The following HS2ST1 variants were observed in gnomAD, a reference collection of about 807,000 sequenced individuals.
HS2ST1 encodes the protein heparan sulfate 2-O-sulfotransferase 1, also known as 2-O-sulfotransferase.
HS2ST1 carries 18 observed loss-of-function variants against 42.9 expected under a neutral mutation model. The observed-to-expected ratio is 0.42, with a 90% CI of 0.29 to 0.62. The LOEUF is 0.62. Ranked by LOEUF, HS2ST1 falls within the 20% of genes least tolerant of loss-of-function variation. The pLI is 0.21. For synonymous variants in HS2ST1, 146 were observed against 152.9 expected, an observed-to-expected ratio of 0.95 and a Z score of 0.33; for missense variants, 334 against 433.8, an observed-to-expected ratio of 0.77 and a Z score of 2.04.
At chr1:87,003,347 A>G (rs1411926544) in intron 1 of HS2ST1, among the ~76,000 whole-genome samples, 2 of 152,196 alleles carry the variant, frequency 1.3e-5, no homozygotes, top group African/African-American at 4.8e-5. Context: ...ACTAAATGGG[A>G]TTTTATGTGC....
rs375541348 is a variant in HS2ST1 at position 86,927,310 on chromosome 1, T to C, written c.124+12150T>C. Reference sequence around the variant, plus strand: ...TAGTCCTCAGATCTTCAACGTGGCATGGCACAATTCTTGCTAAAGGTAGTT... The same window carrying C: ...TAGTCCTCAGATCTTCAACGTGGCACGGCACAATTCTTGCTAAAGGTAGTT... On this transcript the variant is annotated intron_variant, in intron 1 of 6. Transcript: ENST00000370550. Among the ~76,000 whole-genome samples, 78 of 152,306 alleles carry C rather than the reference T, an allele frequency of 5.1e-4. No homozygotes were observed. In the East Asian group the frequency reaches 8.1e-3, roughly 16 times the overall value.
In HS2ST1 at chr1:86,914,895, G is replaced by A. The variant is rs574149350; in HGVS notation, c.-142G>A. The stretch of plus-strand genomic sequence containing the variant: ...GAGGGGGACTGGAGAGGCGAGAAGG[G>A]GGGTCGCTGCGGTGGTTCTCTCGCT... On this transcript the variant is annotated 5_prime_UTR_variant, in exon 1 of 7. Transcript: ENST00000370550. 811 of 968,070 alleles carry A rather than the reference G, an allele frequency of 8.4e-4. 12 individuals carry two copies. The South Asian group carries it at 0.012, about 14-fold the overall frequency. 60.0% of individuals were successfully genotyped at this position (968,070 alleles called of 1,614,324 possible).
intron 1 of HS2ST1, among the ~76,000 whole-genome samples, chr1:86,995,003 A>C (rs1217215118): frequency 6.6e-6 from 1 of 152,170 alleles, no homozygotes; most frequent in African/African-American, 2.4e-5. Context: ...TTAAAAAAAC[A>C]TAAGGGGTAC....
At chr1:86,945,455 C>T (rs545181496) in intron 1 of HS2ST1, among the ~76,000 whole-genome samples, 206 of 152,268 alleles carry the variant, frequency 1.4e-3, no homozygotes, top group African/African-American at 4.8e-3. Context: ...ATATTATTCT[C>T]TGAAGAAATT....
At chr1:87,010,469 A>C (rs946570921) in intron 1 of HS2ST1, among the ~76,000 whole-genome samples, 1 of 152,208 alleles carries the variant, frequency 6.6e-6, no homozygotes, top group Non-Finnish European at 1.5e-5. Flanking sequence ...TTCTTACTGC[A>C]AAAATAAATT....
chr1:86,968,761 G>T (rs1570453942), intron 1 of HS2ST1, among the ~76,000 whole-genome samples: 1 of 151,706 alleles, frequency 6.6e-6, no homozygotes, highest in Admixed American at 6.6e-5. Context: ...CGGTTTAAAC[G>T]TCTTTACTTT....
intron 1 of HS2ST1, among the ~76,000 whole-genome samples, chr1:86,917,046 A>G (rs1274693290): frequency 6.6e-6 from 1 of 152,232 alleles, no homozygotes; most frequent in Non-Finnish European, 1.5e-5. Context: ...TACAAGAAAG[A>G]AAATTTCATA....
intron 1 of HS2ST1, among the ~76,000 whole-genome samples, chr1:86,973,261 G>A (rs1334649709): frequency 1.3e-5 from 2 of 148,524 alleles, no homozygotes; most frequent in African/African-American, 5.0e-5. Context: ...CAAGATCTAT[G>A]GATTTATCAT....
intron 1 of HS2ST1, among the ~76,000 whole-genome samples, chr1:86,990,499 A>G (rs930470100): frequency 6.6e-6 from 1 of 152,016 alleles, no homozygotes; most frequent in African/African-American, 2.4e-5. Flanking sequence ...ATCAAAGGGG[A>G]TAGAATAAAT....
At chr1:87,021,551 GT>G (rs1287388266) in intron 1 of HS2ST1, among the ~76,000 whole-genome samples, 1 of 152,164 alleles carries the variant, frequency 6.6e-6, no homozygotes, top group East Asian at 1.9e-4. Flanking sequence ...ATTTCACTCT[GT>G]CATCCAGGGT....
At chr1:87,074,833 A>G (rs1320936479) in intron 2 of HS2ST1, among the ~76,000 whole-genome samples, 2 of 152,196 alleles carry the variant, frequency 1.3e-5, no homozygotes, top group African/African-American at 4.8e-5. Context: ...CAAAATTATC[A>G]GCTGGTAGTC....
rs1328424533 is a variant in HS2ST1, at chr1:87,103,425, G to GT, written c.687-4dup. On this transcript the variant is annotated splice_region_variant and splice_polypyrimidine_tract_variant and intron_variant, in intron 5 of 6. Transcript: ENST00000370550. ...ACCAGGTTTTAATTCCTTTTCTTTG[G>GT]TTTCAGGAATGTGGGAAGCAGGTGG... 1 of 1,587,164 alleles carries GT rather than the reference G, an allele frequency of 6.3e-7. No homozygotes were observed. The highest frequency in any genetic ancestry group is 1.2e-5 in the South Asian group (1 of 85,570).
At chr1:87,102,517 A>G (rs1652237640) in intron 5 of HS2ST1, among the ~76,000 whole-genome samples, 1 of 152,212 alleles carries the variant, frequency 6.6e-6, no homozygotes, top group African/African-American at 2.4e-5. Context: ...ACATTTCAGA[A>G]TGAGAGTTAG....
chr1:86,915,465 TG>T (rs1660127514), intron 1 of HS2ST1, among the ~76,000 whole-genome samples: 2 of 151,946 alleles, frequency 1.3e-5, no homozygotes, highest in Non-Finnish European at 2.9e-5. Context: ...CCGAACTCAG[TG>T]GGGAGCGTGT....
chr1:87,060,890 T>G (rs1651103411), intron 1 of HS2ST1, among the ~76,000 whole-genome samples: 1 of 152,152 alleles, frequency 6.6e-6, no homozygotes, highest in Admixed American at 6.5e-5. Context: ...GATGGGGTAT[T>G]TAATAATTAC....
chr1:86,971,958 T>G (rs1648246215), intron 1 of HS2ST1, among the ~76,000 whole-genome samples: 1 of 152,196 alleles, frequency 6.6e-6, no homozygotes. Flanking sequence ...TTTATACTTG[T>G]CATAACTTGT....
chr1:87,039,425 T>G (rs1260673733), intron 1 of HS2ST1, among the ~76,000 whole-genome samples: 2 of 152,190 alleles, frequency 1.3e-5, no homozygotes, highest in Non-Finnish European at 2.9e-5. Context: ...TCAGTTTCAT[T>G]GGGATCCTCA....
At chr1:86,959,947 A>G (rs1040052991) in intron 1 of HS2ST1, among the ~76,000 whole-genome samples, 8 of 152,182 alleles carry the variant, frequency 5.3e-5, no homozygotes, top group African/African-American at 4.8e-5. Flanking sequence ...AAGTTATTCT[A>G]AAGTTTATAT....
At chr1:87,029,565 GCAA>G (rs1650174612) in intron 1 of HS2ST1, among the ~76,000 whole-genome samples, 1 of 152,094 alleles carries the variant, frequency 6.6e-6, no homozygotes, top group Admixed American at 6.6e-5. Context: ...CTGAGAAAAG[GCAA>G]CAGTAAAACA....
Sources: allele counts gnomAD v4.1 joint callset (sites outside exome capture counted in the v4.1 genomes callset), GRCh38; gene constraint gnomAD v4.1.1; transcripts MANE v1.5; gene names NCBI Gene and HGNC (gene_info 2026-07-23, HGNC 2026-07-21).